TAFA4: variants seen among roughly 807,000 people sequenced by gnomAD.
TAFA4 encodes chemokine-like protein TAFA-4.
TAFA4 carries 20 observed loss-of-function variants against 21.1 expected under a neutral mutation model. That is an observed-to-expected ratio of 0.95 (90% CI 0.67 to 1.38). TAFA4 has a LOEUF of 1.38. Ranked by LOEUF, TAFA4 falls within the 40% of genes most tolerant of loss-of-function variation. TAFA4 has a pLI of 0.00. For synonymous variants in TAFA4, 71 were observed against 67.4 expected, an observed-to-expected ratio of 1.05 and a Z score of -0.26; for missense variants, 211 against 180.9, an observed-to-expected ratio of 1.17 and a Z score of -0.95.
At chr3:68,850,654 C>A (rs1467419801) in intron 3 of TAFA4, among the ~76,000 whole-genome samples, 1 of 151,938 alleles carries the variant, frequency 6.6e-6, no homozygotes, top group Non-Finnish European at 1.5e-5. Context: ...TGATGTCAAG[C>A]TTTTTTTCAT....
intron 1 of TAFA4, among the ~76,000 whole-genome samples, chr3:68,902,308 G>A (rs1193568876): frequency 2.0e-5 from 3 of 152,054 alleles, no homozygotes. Context: ...CACAATCAAT[G>A]CATTCACTCT....
At chr3:68,834,090 T>C (rs1386113252) in intron 3 of TAFA4, among the ~76,000 whole-genome samples, 1 of 152,180 alleles carries the variant, frequency 6.6e-6, no homozygotes, top group African/African-American at 2.4e-5. Flanking sequence ...GTAAGAGGAA[T>C]GACTTACATA....
intron 3 of TAFA4, among the ~76,000 whole-genome samples, chr3:68,831,750 T>A (rs1704400575): frequency 6.6e-6 from 1 of 152,184 alleles, no homozygotes; most frequent in Admixed American, 6.5e-5. Flanking sequence ...TTGGGGAAGT[T>A]CTCCTGGATA....
At chr3:68,781,652 A>G (rs1703156100) in intron 3 of TAFA4, among the ~76,000 whole-genome samples, 3 of 152,116 alleles carry the variant, frequency 2.0e-5, no homozygotes, top group Admixed American at 1.3e-4. Context: ...CCACATGTCT[A>G]AAGACTTCAT....
intron 3 of TAFA4, among the ~76,000 whole-genome samples, chr3:68,760,157 T>C (rs1229696530): frequency 2.6e-5 from 4 of 152,212 alleles, no homozygotes; most frequent in Admixed American, 2.6e-4. Flanking sequence ...TAGACACCAT[T>C]AAAAGTGTTA....
At chr3:68,754,374 T>C (rs1028858640) in intron 3 of TAFA4, among the ~76,000 whole-genome samples, 1 of 152,246 alleles carries the variant, frequency 6.6e-6, no homozygotes, top group African/African-American at 2.4e-5. Flanking sequence ...CTCCTCAGTC[T>C]TTCTTTCTTG....
intron 3 of TAFA4, among the ~76,000 whole-genome samples, chr3:68,812,271 G>A (rs1167415858): frequency 6.6e-5 from 10 of 152,206 alleles, no homozygotes; most frequent in South Asian, 4.1e-4. Flanking sequence ...ATCAACTAAC[G>A]AGCAAAATAA....
chr3:68,854,554 T>A (rs1705024058), intron 3 of TAFA4, among the ~76,000 whole-genome samples: 1 of 151,942 alleles, frequency 6.6e-6, no homozygotes, highest in Admixed American at 6.6e-5. Flanking sequence ...GTCTTAGGAG[T>A]CTTGAAATGT....
chr3:68,742,658 A>G (rs1166382112), intron 4 of TAFA4, among the ~76,000 whole-genome samples: 1 of 152,208 alleles, frequency 6.6e-6, no homozygotes, highest in Non-Finnish European at 1.5e-5. Flanking sequence ...ACCTATCTCA[A>G]ATTACCACTA....
At chr3:68,834,151 T>C (rs1237820060) in intron 3 of TAFA4, among the ~76,000 whole-genome samples, 1 of 152,146 alleles carries the variant, frequency 6.6e-6, no homozygotes, top group Non-Finnish European at 1.5e-5. Flanking sequence ...TCAAAGATCA[T>C]TCCCTGGAAG....
intron 3 of TAFA4, among the ~76,000 whole-genome samples, chr3:68,829,848 A>G (rs1438564826): frequency 6.6e-6 from 1 of 152,158 alleles, no homozygotes; most frequent in East Asian, 1.9e-4. Context: ...GGTATTAATT[A>G]TTGCCTCAAT....
chr3:68,808,053 GA>G (rs145456479), intron 3 of TAFA4, among the ~76,000 whole-genome samples: 3,626 of 152,162 alleles, frequency 0.024, 233 homozygotes, highest in East Asian at 0.24. Context: ...ATTTAGCACA[GA>G]ACAGTAAAGG....
chr3:68,861,986 T>A (rs1437030169), intron 3 of TAFA4, among the ~76,000 whole-genome samples: 2 of 152,096 alleles, frequency 1.3e-5, no homozygotes, highest in Admixed American at 1.3e-4. Flanking sequence ...TTATGCAACT[T>A]GTTCCACATC....
chr3:68,861,774 A>G (rs1404326028), intron 3 of TAFA4, among the ~76,000 whole-genome samples: 1 of 152,070 alleles, frequency 6.6e-6, no homozygotes, highest in Non-Finnish European at 1.5e-5. Context: ...AAAGGGAAGT[A>G]GAAGGCAGTG....
chr3:68,841,393 C>T (rs1213943219), intron 3 of TAFA4, among the ~76,000 whole-genome samples: 2 of 151,988 alleles, frequency 1.3e-5, no homozygotes, highest in African/African-American at 4.8e-5. Flanking sequence ...TGCATTAAGT[C>T]CCTGTGGTTT....
At chr3:68,835,531 C>T (rs1000710161) in intron 3 of TAFA4, among the ~76,000 whole-genome samples, 5 of 152,134 alleles carry the variant, frequency 3.3e-5, no homozygotes, top group Non-Finnish European at 5.9e-5. Flanking sequence ...ATAAATAAAC[C>T]CCAAAATTGT....
chr3:68,802,845 C>A (rs147285354), intron 3 of TAFA4, among the ~76,000 whole-genome samples: 1 of 152,282 alleles, frequency 6.6e-6, no homozygotes, highest in African/African-American at 2.4e-5. Context: ...TTAAAGGTTA[C>A]GTGGTTAGGA....
chr3:68,810,798 C>T (rs1016679835), intron 3 of TAFA4, among the ~76,000 whole-genome samples: 4 of 152,156 alleles, frequency 2.6e-5, no homozygotes, highest in Admixed American at 1.3e-4. Flanking sequence ...CTTAAATGTC[C>T]CTGTCTCACA....
At chr3:68,839,903 C>T (rs1027864348) in intron 3 of TAFA4, among the ~76,000 whole-genome samples, 1 of 152,034 alleles carries the variant, frequency 6.6e-6, no homozygotes, top group Admixed American at 6.5e-5. Context: ...TGGGAGAGAC[C>T]CTTGCTGGGT....
Sources: gnomAD v4.1 joint callset for allele counts (sites outside exome capture counted in the v4.1 genomes callset) on GRCh38, gnomAD v4.1.1 for gene constraint, MANE v1.5 for transcripts, NCBI Gene and HGNC (gene_info 2026-07-23, HGNC 2026-07-21) for gene names.